Variants in CYP27A1 observed in about 807,000 individuals in gnomAD.
CYP27A1 encodes sterol 26-hydroxylase, mitochondrial.
A neutral mutation model predicts 58.2 loss-of-function variants in CYP27A1; 46 were observed. The ratio of observed to expected loss-of-function variants is 0.79; its 90% CI spans 0.62 to 1.01. CYP27A1 has a LOEUF of 1.01. Among genes scored for constraint, CYP27A1 ranks in the 50% least tolerant of loss-of-function variants. The pLI, the probability that CYP27A1 is intolerant of heterozygous loss-of-function variation, is 0.00. For missense variants in CYP27A1, 704 were observed against 687.0 expected, an observed-to-expected ratio of 1.02 and a Z score of -0.28; for synonymous variants, 274 against 285.1, an observed-to-expected ratio of 0.96 and a Z score of 0.39.
chr2:218,787,416 C>G (rs1943450828), intron 1 of CYP27A1, among the ~76,000 whole-genome samples: 1 of 152,194 alleles, frequency 6.6e-6, no homozygotes, highest in Non-Finnish European at 1.5e-5. Flanking sequence ...TAAATGTTGT[C>G]ATCACATTCA....
chr2:218,809,717 A>G lies in CYP27A1; in HGVS notation c.396A>G (p.Leu132=). The G allele has an allele frequency of 6.2e-7, 1 of 1,614,066 alleles. No homozygotes were observed. The highest frequency in any genetic ancestry group is 8.5e-7 in the Non-Finnish European group (1 of 1,179,966). The change falls in exon 2 of 9, where the codon CTA becomes CTG. Residue 132 remains leucine (L), a synonymous_variant. Coordinates refer to ENST00000258415, the MANE Select transcript of CYP27A1 (RefSeq NM_000784.4). ...GKYPVRNDME[L]WKEHRDQHDL... Reference sequence around the variant, plus strand: ...ACCCAGTACGGAACGACATGGAGCTATGGAAGGAGCACCGGGACCAGCACG... The same window carrying G: ...ACCCAGTACGGAACGACATGGAGCTGTGGAAGGAGCACCGGGACCAGCACG...
intron 1 of CYP27A1, among the ~76,000 whole-genome samples, chr2:218,789,758 T>G (rs1943473582): frequency 6.6e-6 from 1 of 152,210 alleles, no homozygotes; most frequent in Non-Finnish European, 1.5e-5. Flanking sequence ...GACCAAGACT[T>G]TACTCATTGA....
chr2:218,800,371 T>G (rs997509266), intron 1 of CYP27A1, among the ~76,000 whole-genome samples: 1 of 152,068 alleles, frequency 6.6e-6, no homozygotes, highest in African/African-American at 2.4e-5. Context: ...GAAATAAAGA[T>G]AAGACACTCC....
intron 1 of CYP27A1, among the ~76,000 whole-genome samples, chr2:218,789,709 A>G (rs1335634004): frequency 1.3e-5 from 2 of 152,224 alleles, no homozygotes; most frequent in Non-Finnish European, 2.9e-5. Context: ...AACTTGATTT[A>G]ACAATTCCCC....
rs1943729887 is a variant in CYP27A1 at position 218,812,559 on chromosome 2, C to T, written c.654C>T (p.Cys218=). 3 of 1,614,114 alleles carry T rather than the reference C, an allele frequency of 1.9e-6. No individual in the cohort carries two copies. Among genetic ancestry groups the T allele is most frequent in the Non-Finnish European group, 2.5e-6 (3 of 1,180,046 alleles). Residue 218 remains cysteine (C), a synonymous_variant, in exon 4 of 9, where the codon TGC becomes TGT. Transcript: ENST00000258415. ...LFYYFALEAI[C]YILFEKRIGC... The stretch of plus-strand genomic sequence containing the variant: ...CCTCTGTGCACTACTCAGCTATTTG[C>T]TACATCCTGTTCGAGAAACGCATTG...
chr2:218,804,851 A>G (rs1317775338), intron 1 of CYP27A1, among the ~76,000 whole-genome samples: 1 of 152,232 alleles, frequency 6.6e-6, no homozygotes, highest in East Asian at 1.9e-4. Flanking sequence ...GATGGCTTAA[A>G]CAACAAATTT....
chr2:218,789,146 G>A (rs1943467218), intron 1 of CYP27A1, among the ~76,000 whole-genome samples: 1 of 152,222 alleles, frequency 6.6e-6, no homozygotes. Flanking sequence ...ATTCAAGGCA[G>A]CCTTATTTGT....
intron 1 of CYP27A1, among the ~76,000 whole-genome samples, chr2:218,801,959 G>A (rs1192111043): frequency 6.7e-6 from 1 of 149,062 alleles, no homozygotes; most frequent in Non-Finnish European, 1.5e-5. Context: ...GCTTTGGCTG[G>A]GGCTGCAGCT....
chr2:218,800,931 A>G (rs985334719), intron 1 of CYP27A1, among the ~76,000 whole-genome samples: 1 of 152,236 alleles, frequency 6.6e-6, no homozygotes, highest in African/African-American at 2.4e-5. Flanking sequence ...ACAATTTTTA[A>G]TGGCTGAAAA....
intron 1 of CYP27A1, among the ~76,000 whole-genome samples, chr2:218,794,563 G>A (rs1943526984): frequency 2.0e-5 from 3 of 152,126 alleles, no homozygotes; most frequent in African/African-American, 7.2e-5. Flanking sequence ...GGAGAGGGAG[G>A]CCAAAATCCT....
At chr2:218,790,892 G>A (rs535818155) in intron 1 of CYP27A1, among the ~76,000 whole-genome samples, 128 of 152,000 alleles carry the variant, frequency 8.4e-4, no homozygotes, top group African/African-American at 2.1e-3. Context: ...TAGTAGAGAC[G>A]GGGTTTCACT....
At position 218,802,259 on chromosome 2, in the gene CYP27A1, C is replaced by A. The variant is rs187443061; in HGVS notation, c.256-7318C>A. ...CCCCTCCCTTGTCCAAGTGTGCGCT[C>A]ACCATTGCTCCATCTGTAAGGGTGC... On this transcript the variant is annotated intron_variant, in intron 1 of 8. Coordinates refer to ENST00000258415, the MANE Select transcript of CYP27A1 (RefSeq NM_000784.4). Among the ~76,000 whole-genome samples the A allele has an allele frequency of 3.8e-4, 57 of 151,742 alleles. 3 individuals carry two copies. In the East Asian group the frequency reaches 6.4e-3, roughly 17 times the overall value.
chr2:218,815,093 G>C lies in CYP27A1; in HGVS notation c.*63G>C. 6.2e-7 allele frequency: 1 copy of C among 1,607,616 alleles called. No individual in the cohort carries two copies. Among genetic ancestry groups the C allele is most frequent in the Non-Finnish European group, 8.5e-7 (1 of 1,175,306 alleles). On this transcript the variant is annotated 3_prime_UTR_variant, in exon 9 of 9. Coordinates refer to ENST00000258415, the MANE Select transcript of CYP27A1 (RefSeq NM_000784.4). ...TCCAGCTCTGGCACAGTGGTTCCTG[G>C]CTGCTGCCATGTCTCAGATGAGGAG... is the stretch of plus-strand genomic sequence containing the variant.
chr2:218,794,172 G>A (rs1240578570), intron 1 of CYP27A1, among the ~76,000 whole-genome samples: 4 of 152,276 alleles, frequency 2.6e-5, no homozygotes, highest in Middle Eastern at 3.4e-3. Context: ...TAAACCTCCC[G>A]AGGCTCCACC....
At chr2:218,799,026 T>A (rs533711380) in intron 1 of CYP27A1, among the ~76,000 whole-genome samples, 3 of 152,326 alleles carry the variant, frequency 2.0e-5, no homozygotes, top group African/African-American at 7.2e-5. Flanking sequence ...AGAAGGGGAA[T>A]GAATCTGCCT....
chr2:218,805,567 A>G (rs1943643069), intron 1 of CYP27A1, among the ~76,000 whole-genome samples: 1 of 152,084 alleles, frequency 6.6e-6, no homozygotes, highest in Non-Finnish European at 1.5e-5. Context: ...AGAACTCCTT[A>G]AGAATGGTCT....
In CYP27A1 at chr2:218,814,927, A is replaced by C. The variant is rs1943773095; in HGVS notation, c.1493A>C (p.Lys498Thr). 1.2e-6 allele frequency: 2 copies of C among 1,614,106 alleles called. No homozygotes were observed. Among genetic ancestry groups the C allele is most frequent in the Admixed American group, 1.7e-5 (1 of 60,006 alleles). ...ACCCCCCAGCTGATCCAGAAGTACA[A>C]GGTGGTCCTGGCCCCGGAGACGGGG... The part of the protein sequence containing the change: ...LLLARLIQKY[K>T]VVLAPETGEL... Residue 498 changes from lysine (K) to threonine (T), a missense_variant, in exon 9 of 9, where the codon AAG (lysine) becomes ACG (threonine). By Grantham distance (78) the Lys-to-Thr change is moderately conservative (BLOSUM62 -1). Transcript: ENST00000258415.
chr2:218,796,082 G>C (rs1943545119), intron 1 of CYP27A1, among the ~76,000 whole-genome samples: 1 of 152,148 alleles, frequency 6.6e-6, no homozygotes, highest in African/African-American at 2.4e-5. Flanking sequence ...CCACGGGTCA[G>C]GAACCCTGTA....
Position 218,812,597 on chromosome 2 carries a change from G to C in CYP27A1, c.692G>C (p.Arg231Pro). The stretch of plus-strand genomic sequence containing the variant: ...GAGAAACGCATTGGCTGCCTGCAGC[G>C]ATCCATCCCCGAGGACACCGTGACC... ...LFEKRIGCLQ[R>P]SIPEDTVTFV... The change falls in exon 4 of 9, where the codon CGA (arginine) becomes CCA (proline). Residue 231 changes from arginine (R) to proline (P), a missense_variant. Arg to Pro is a moderately radical substitution (Grantham distance 103). Transcript: ENST00000258415. 2 of 1,614,186 alleles carry C rather than the reference G, an allele frequency of 1.2e-6. No homozygotes were observed. Among genetic ancestry groups the C allele is most frequent in the Non-Finnish European group, 1.7e-6 (2 of 1,180,036 alleles).
Sources: allele counts gnomAD v4.1 joint callset (sites outside exome capture counted in the v4.1 genomes callset), GRCh38; gene constraint gnomAD v4.1.1; transcripts MANE v1.5; gene names NCBI Gene and HGNC (gene_info 2026-07-23, HGNC 2026-07-21).